The following TPST1 variants were observed in gnomAD, a reference collection of about 807,000 sequenced individuals.
TPST1 encodes the protein tyrosylprotein sulfotransferase 1.
In TPST1, 20 loss-of-function variants were observed where a neutral mutation model predicts 34.8. That is an observed-to-expected ratio of 0.57 (90% CI 0.40 to 0.84). The LOEUF is 0.84. Ranked by LOEUF, TPST1 falls within the 40% of genes least tolerant of loss-of-function variation. The probability of loss-of-function intolerance (pLI) is 0.00; values close to 1 mark genes in which losing one functional copy is unlikely to be tolerated. For synonymous variants in TPST1, 152 were observed against 159.4 expected, an observed-to-expected ratio of 0.95 and a Z score of 0.35; for missense variants, 353 against 455.5, an observed-to-expected ratio of 0.78 and a Z score of 2.05.
In TPST1 at chr7:66,360,010, C is replaced by G. The variant is rs761820876; in HGVS notation, c.*145C>G. On this transcript the variant is annotated 3_prime_UTR_variant, in exon 6 of 6. Coordinates refer to ENST00000304842, the MANE Select transcript of TPST1 (RefSeq NM_003596.4). ...CGCCTGTGCATTTGCCAGTTTCCTC[C>G]CACTGAGAGGATGGAGGTGTCCGCA... 1.6e-4 allele frequency: 75 copies of G among 456,034 alleles called. No homozygotes were observed. The highest frequency in any genetic ancestry group is 1.9e-4 in the Non-Finnish European group (43 of 226,580). 28.2% of individuals were successfully genotyped at this position (456,034 alleles called of 1,614,324 possible). A position where few individuals can be genotyped will look rare whatever the true frequency, so the allele number is the denominator to read the frequency against.
chr7:66,255,279 AAG>A (rs1646412165), intron 2 of TPST1, among the ~76,000 whole-genome samples: 1 of 152,144 alleles, frequency 6.6e-6, no homozygotes, highest in South Asian at 2.1e-4. Context: ...CTCAAATAGA[AAG>A]AGGCCAGGGT....
Position 66,286,557 on chromosome 7 carries a change from G to C in TPST1, c.892G>C (p.Ala298Pro), listed in dbSNP as rs1399795113. Residue 298 changes from alanine (A) to proline (P), a missense_variant, in exon 3 of 6, where the codon GCT becomes CCT. By Grantham distance (27) the Ala-to-Pro change is conservative. Transcript: ENST00000304842. ...DQVIKPVNVG[A>P]LSKWVGKIPP... is the part of the protein sequence containing the mutation. ...AGTAATCAAGCCAGTCAATGTAGGA[G>C]CTCTATCAAAATGGGTTGGGAAGAT... 6.2e-7 allele frequency: 1 copy of C among 1,606,460 alleles called. No homozygotes were observed. Among genetic ancestry groups the C allele is most frequent in the Non-Finnish European group, 8.5e-7 (1 of 1,175,628 alleles).
At chr7:66,229,545 T>A (rs944076595) in intron 1 of TPST1, among the ~76,000 whole-genome samples, 1 of 152,244 alleles carries the variant, frequency 6.6e-6, no homozygotes, top group South Asian at 2.1e-4. Context: ...GATTAACTCA[T>A]TGGATAATTT....
In TPST1 at chr7:66,313,232, G is replaced by A. The variant is rs184405712; in HGVS notation, c.1044+26523G>A. ...AGTTTGAGACCAGCCTGGCCAACAT[G>A]GTGAAACCCTGAATCTACTGAAAAT... On this transcript the variant is annotated intron_variant, in intron 3 of 5. Transcript: ENST00000304842. Among the ~76,000 whole-genome samples the A allele has an allele frequency of 4.1e-3, 628 of 152,146 alleles. 2 individuals carry two copies. The highest frequency in any genetic ancestry group is 7.6e-3 in the Admixed American group (116 of 15,284).
chr7:66,230,903 GATTA>G (rs1033779752), intron 1 of TPST1, among the ~76,000 whole-genome samples: 25 of 152,172 alleles, frequency 1.6e-4, no homozygotes, highest in African/African-American at 5.3e-4. Context: ...GTCCTCATCA[GATTA>G]GTTAGATACA....
intron 5 of TPST1, chr7:66,359,054 C>T (rs1485980104): frequency 6.6e-6 from 1 of 152,314 alleles, no homozygotes; most frequent in Non-Finnish European, 1.5e-5. Flanking sequence ...TTCTCTGGAG[C>T]TTCCTTTAAA....
Position 66,360,230 on chromosome 7 carries a change from G to GC in TPST1, c.*366dup. On this transcript the variant is annotated 3_prime_UTR_variant, in exon 6 of 6. Transcript: ENST00000304842. ...AATGGGATCCTGTAAGCAGACTTGGGCAGTCTCCTTTTGAAATAGGTTGTC... is the reference window on the plus strand; with the variant it reads ...AATGGGATCCTGTAAGCAGACTTGGGCCAGTCTCCTTTTGAAATAGGTTGTC... 3.6e-6 allele frequency: 1 copy of GC among 278,368 alleles called. No individual in the cohort carries two copies. The highest frequency in any genetic ancestry group is 7.2e-6 in the Non-Finnish European group (1 of 138,928). 17.2% of individuals were successfully genotyped at this position (278,368 alleles called of 1,614,324 possible).
At chr7:66,285,094 T>C (rs555786724) in intron 2 of TPST1, among the ~76,000 whole-genome samples, 9 of 152,308 alleles carry the variant, frequency 5.9e-5, no homozygotes, top group Non-Finnish European at 2.9e-5. Flanking sequence ...AGTCATGACA[T>C]ACAAGACTCT....
intron 1 of TPST1, among the ~76,000 whole-genome samples, chr7:66,218,717 G>A (rs890828034): frequency 3.9e-5 from 6 of 151,966 alleles, no homozygotes; most frequent in African/African-American, 1.2e-4. Flanking sequence ...TGTGGTGGCG[G>A]GCGCCTGTAG....
intron 2 of TPST1, among the ~76,000 whole-genome samples, chr7:66,265,528 C>T (rs1012343958): frequency 1.1e-4 from 16 of 139,918 alleles, no homozygotes; most frequent in Admixed American, 5.4e-4. Context: ...GCAGACTGGA[C>T]GACAGTGTGG....
intron 1 of TPST1, among the ~76,000 whole-genome samples, chr7:66,228,032 T>C (rs1414901412): frequency 6.6e-6 from 1 of 152,206 alleles, no homozygotes; most frequent in Non-Finnish European, 1.5e-5. Context: ...TCTACAAGTA[T>C]GTTTTTGGAC....
At chr7:66,335,491 C>T (rs1195425207) in intron 3 of TPST1, among the ~76,000 whole-genome samples, 3 of 151,742 alleles carry the variant, frequency 2.0e-5, no homozygotes, top group Admixed American at 6.6e-5. Context: ...TTCCAGTGTA[C>T]ACTTAAGCAC....
intron 3 of TPST1, among the ~76,000 whole-genome samples, chr7:66,317,722 T>C (rs1011899846): frequency 1.3e-5 from 2 of 152,150 alleles, no homozygotes; most frequent in Non-Finnish European, 2.9e-5. Flanking sequence ...TTTTTAAAAC[T>C]ATATTTTCAA....
chr7:66,216,058 C>T (rs1016211875), intron 1 of TPST1, among the ~76,000 whole-genome samples: 1 of 152,208 alleles, frequency 6.6e-6, no homozygotes, highest in South Asian at 2.1e-4. Context: ...GCCACCGCGC[C>T]CGGCCAATGT....
chr7:66,356,691 A>T (rs1304339627), intron 4 of TPST1, 134 bp from the exon 5 acceptor site: 1 of 949,120 alleles, frequency 1.1e-6, no homozygotes, highest in South Asian at 1.5e-5. Context: ...TCTTGAGCAT[A>T]CCACAGTAGT....
intron 3 of TPST1, among the ~76,000 whole-genome samples, chr7:66,309,885 T>C (rs965799363): frequency 1.3e-5 from 2 of 152,048 alleles, no homozygotes; most frequent in Non-Finnish European, 1.5e-5. Flanking sequence ...TGCACATGTG[T>C]GCATGGGAGT....
intron 3 of TPST1, among the ~76,000 whole-genome samples, chr7:66,304,061 TTATAGGAGTGAGGGGTTTAA>T (rs1791373048): frequency 6.6e-6 from 1 of 152,118 alleles, no homozygotes; most frequent in South Asian, 2.1e-4. Flanking sequence ...CTGTTAAGTG[TTATAGGAGTGAGGGGTTTAA>T]TATAGTAATT....
intron 1 of TPST1, among the ~76,000 whole-genome samples, chr7:66,239,887 G>GT (rs1203596381): frequency 6.6e-6 from 1 of 151,750 alleles, no homozygotes; most frequent in Non-Finnish European, 1.5e-5. Flanking sequence ...GTTTTGTTTT[G>GT]TTTTGTTTTT....
At chr7:66,219,543 C>G (rs1188856391) in intron 1 of TPST1, among the ~76,000 whole-genome samples, 1 of 152,148 alleles carries the variant, frequency 6.6e-6, no homozygotes, top group Non-Finnish European at 1.5e-5. Flanking sequence ...AGCATAATGG[C>G]TACATGGATT....
Sources: allele counts gnomAD v4.1 joint callset (sites outside exome capture counted in the v4.1 genomes callset), GRCh38; gene constraint gnomAD v4.1.1; transcripts MANE v1.5; gene names NCBI Gene and HGNC (gene_info 2026-07-23, HGNC 2026-07-21).